CFAP54: variants seen among roughly 807,000 people sequenced by gnomAD.
CFAP54 encodes the protein cilia and flagella associated protein 54.
Under a neutral mutation model 370.4 loss-of-function variants are expected in CFAP54, and 290 were observed. The observed-to-expected ratio is 0.78, with a 90% CI of 0.71 to 0.86. The LOEUF (loss-of-function observed/expected upper bound fraction) is 0.86, where lower values mean the gene tolerates loss of function less well. CFAP54 is among the 40% of genes least tolerant of loss of function. The probability of loss-of-function intolerance (pLI) is 0.00; values close to 1 mark genes in which losing one functional copy is unlikely to be tolerated. For synonymous variants in CFAP54, 1,206 were observed against 1,236.5 expected (o/e 0.98, Z 0.52); for missense variants, 3,399 against 3,528.7 (o/e 0.96, Z 0.93).
intron 60 of CFAP54, among the ~76,000 whole-genome samples, chr12:96,782,333 A>G (rs1958588320): frequency 6.6e-6 from 1 of 152,098 alleles, no homozygotes; most frequent in Non-Finnish European, 1.5e-5. Context: ...ACAATAATAT[A>G]AGGAAAAGAA....
At chr12:96,862,074 A>G (rs888985014) in intron 67 of CFAP54, among the ~76,000 whole-genome samples, 27 of 152,232 alleles carry the variant, frequency 1.8e-4, no homozygotes, top group African/African-American at 6.3e-4. Flanking sequence ...ACATTTTAAA[A>G]TAGTCTCCTT....
At chr12:96,826,483 A>C (rs1178575650) in intron 65 of CFAP54, among the ~76,000 whole-genome samples, 6 of 117,782 alleles carry the variant, frequency 5.1e-5, no homozygotes, top group Non-Finnish European at 9.7e-5. Flanking sequence ...TAATATATGT[A>C]AATAATATAT....
At chr12:96,688,229 CAT>C (rs765653825) in intron 42 of CFAP54, among the ~76,000 whole-genome samples, 4 of 152,074 alleles carry the variant, frequency 2.6e-5, no homozygotes, top group East Asian at 1.9e-4. Flanking sequence ...TTCTAAGGGA[CAT>C]AAAATGAAAG....
intron 38 of CFAP54, among the ~76,000 whole-genome samples, chr12:96,663,046 A>G (rs1421412): frequency 0.04 from 6,039 of 152,274 alleles, 302 homozygotes; most frequent in African/African-American, 0.11. Flanking sequence ...TTCTTCTTGT[A>G]ACAGTGTTTG....
chr12:96,674,030 T>C (rs548248440), intron 39 of CFAP54, among the ~76,000 whole-genome samples: 1 of 152,246 alleles, frequency 6.6e-6, no homozygotes, highest in Non-Finnish European at 1.5e-5. Flanking sequence ...ACTCCATGGA[T>C]ATGCCTTTTA....
chr12:96,621,745 T>G (rs1212051362), intron 27 of CFAP54, 24 bp downstream of exon 27: 1 of 1,511,516 alleles, frequency 6.6e-7, no homozygotes, highest in African/African-American at 1.4e-5. Context: ...TTTCTCATTT[T>G]TAAACCTACG....
intron 65 of CFAP54, among the ~76,000 whole-genome samples, chr12:96,826,523 TATA>T (rs1261441140): frequency 1.4e-5 from 1 of 73,056 alleles, no homozygotes; most frequent in Non-Finnish European, 2.5e-5. Flanking sequence ...AAATATATAA[TATA>T]TTATATATTA....
chr12:96,620,531 T>C (rs912395205), intron 26 of CFAP54, among the ~76,000 whole-genome samples: 3 of 152,256 alleles, frequency 2.0e-5, no homozygotes, highest in African/African-American at 7.2e-5. Flanking sequence ...TAAACCTCTT[T>C]CCTTTATAAA....
At chr12:96,635,186 A>G (rs1257643356) in intron 32 of CFAP54, among the ~76,000 whole-genome samples, 1 of 152,190 alleles carries the variant, frequency 6.6e-6, no homozygotes, top group Non-Finnish European at 1.5e-5. Flanking sequence ...TATGAATTTT[A>G]AAAATATATT....
chr12:96,639,384 A>G (rs1209474215), intron 32 of CFAP54, among the ~76,000 whole-genome samples: 1 of 152,252 alleles, frequency 6.6e-6, no homozygotes, highest in Non-Finnish European at 1.5e-5. Flanking sequence ...ACCAGGAAGA[A>G]GTTGAATCTC....
chr12:96,656,632 C>T (rs772938716), intron 36 of CFAP54, among the ~76,000 whole-genome samples: 10 of 152,242 alleles, frequency 6.6e-5, no homozygotes, highest in African/African-American at 2.2e-4. Flanking sequence ...CTGCCCTCCT[C>T]GGCCTCCCGA....
intron 39 of CFAP54, among the ~76,000 whole-genome samples, chr12:96,664,630 G>A (rs1294046913): frequency 3.6e-5 from 4 of 110,488 alleles, no homozygotes; most frequent in Admixed American, 2.7e-4. Flanking sequence ...GTATGTGTGT[G>A]TGTGTGTGTG....
At chr12:96,497,314 C>T (rs990471216) in intron 1 of CFAP54, among the ~76,000 whole-genome samples, 4 of 151,910 alleles carry the variant, frequency 2.6e-5, no homozygotes, top group Non-Finnish European at 5.9e-5. Context: ...GGCAAGAGAC[C>T]CAAAATAGCT....
At chr12:96,791,893 A>G (rs1244906864) in intron 62 of CFAP54, among the ~76,000 whole-genome samples, 3 of 144,584 alleles carry the variant, frequency 2.1e-5, no homozygotes, top group Admixed American at 1.4e-4. Context: ...CCTCTCGCCC[A>G]ATCTGGAGTG....
chr12:96,611,473 A>G (rs1956357731), intron 26 of CFAP54, among the ~76,000 whole-genome samples: 1 of 152,270 alleles, frequency 6.6e-6, no homozygotes, highest in Admixed American at 6.5e-5. Context: ...TCTAAAAATC[A>G]GAGTGGCTCT....
intron 4 of CFAP54, among the ~76,000 whole-genome samples, chr12:96,508,568 G>A (rs1440057746): frequency 6.6e-6 from 1 of 150,460 alleles, no homozygotes; most frequent in Non-Finnish European, 1.5e-5. Flanking sequence ...TTACAGGTGT[G>A]AGCCACCATG....
intron 42 of CFAP54, 56 bp from the exon 43 acceptor site, chr12:96,688,860 C>G (rs898776444): frequency 7.1e-6 from 7 of 983,954 alleles, no homozygotes; most frequent in Non-Finnish European, 1.1e-5. Flanking sequence ...ACATTTATAT[C>G]AAAATGTTTT....
intron 65 of CFAP54, among the ~76,000 whole-genome samples, chr12:96,826,148 T>TA (rs1235748617): frequency 2.1e-5 from 3 of 145,636 alleles, no homozygotes; most frequent in Non-Finnish European, 3.0e-5. Flanking sequence ...AACCTTGAAA[T>TA]AAAAAAGCAA....
chr12:96,675,993 C>T (rs576481989), intron 39 of CFAP54, among the ~76,000 whole-genome samples: 19 of 151,982 alleles, frequency 1.3e-4, no homozygotes, highest in Middle Eastern at 3.4e-3. Context: ...TGCTAAATGA[C>T]GAGTTAGTGG....
Sources: gnomAD v4.1 joint callset for allele counts (sites outside exome capture counted in the v4.1 genomes callset) on GRCh38, gnomAD v4.1.1 for gene constraint, MANE v1.5 for transcripts, NCBI Gene and HGNC (gene_info 2026-07-23, HGNC 2026-07-21) for gene names.